MIR2052HG: variants seen among roughly 807,000 people sequenced by gnomAD.
The protein encoded by MIR2052HG is MIR2052 host gene.
At chr8:74,673,105 T>G (rs1221103589) in intron 2 of MIR2052HG, among the ~76,000 whole-genome samples, 1 of 152,044 alleles carries the variant, frequency 6.6e-6, no homozygotes, top group African/African-American at 2.4e-5. Flanking sequence ...AACATAGCTT[T>G]TATTGACAGG....
chr8:74,660,707 C>T (rs1372795886), intron 2 of MIR2052HG, among the ~76,000 whole-genome samples: 2 of 152,170 alleles, frequency 1.3e-5, no homozygotes, highest in African/African-American at 2.4e-5. Flanking sequence ...AAAACAACAA[C>T]ATCATCAATT....
In MIR2052HG at chr8:74,747,559, C is replaced by T. The variant is rs1022934836; in HGVS notation, n.372-4882C>T. Among the ~76,000 whole-genome samples the T allele has an allele frequency of 5.9e-5, 9 of 152,110 alleles. No individual in the cohort carries two copies. In the East Asian group the frequency reaches 7.7e-4, roughly 13 times the overall value. On this transcript the variant is annotated intron_variant and non_coding_transcript_variant, in intron 4 of 6. Coordinates refer to ENST00000523442, the Ensembl canonical transcript of MIR2052HG. Reference sequence around the variant, plus strand: ...AAAAGCTGCAAGCACATTTGTGAATCGTGTTATTCTCTGAGTAACATATTT... The same window carrying T: ...AAAAGCTGCAAGCACATTTGTGAATTGTGTTATTCTCTGAGTAACATATTT...
rs186791229 is a variant in MIR2052HG at position 74,709,860 on chromosome 8, G to A, written n.371+6178G>A. Among the ~76,000 whole-genome samples, 271 of 152,198 alleles carry A rather than the reference G, an allele frequency of 1.8e-3. 8 individuals carry two copies. Among genetic ancestry groups the A allele is most frequent in the Admixed American group, 0.017 (257 of 15,266 alleles). On this transcript the variant is annotated intron_variant and non_coding_transcript_variant, in intron 4 of 6. Transcript: ENST00000523442. ...TTGAGTGAGTGATATTTCAGAACTT[G>A]TATTTTTGTATGGATTTTGCATATT...
intron 4 of MIR2052HG, among the ~76,000 whole-genome samples, chr8:74,734,054 A>G (rs1023836001): frequency 3.3e-5 from 5 of 152,240 alleles, no homozygotes; most frequent in Admixed American, 2.0e-4. Flanking sequence ...GACAACCTAC[A>G]AAATGGGAGA....
At chr8:74,712,743 T>C (rs1032037568) in intron 4 of MIR2052HG, among the ~76,000 whole-genome samples, 1 of 151,156 alleles carries the variant, frequency 6.6e-6, no homozygotes, top group African/African-American at 2.4e-5. Context: ...ATCATTCAAA[T>C]GTACTTAAGA....
In MIR2052HG at chr8:74,685,768, G is replaced by A. The variant is rs115855013; in HGVS notation, n.217-16611G>A. 9.4e-3 allele frequency among the ~76,000 whole-genome samples: 1,423 copies of A among 152,136 alleles called. 27 individuals carry two copies. The highest frequency in any genetic ancestry group is 0.032 in the African/African-American group (1,349 of 41,534). The stretch of plus-strand genomic sequence containing the variant: ...TTTATGTGAATGACCAAGACTGAGT[G>A]TACAGGATGTAATCAAAGTCAAACA... On this transcript the variant is annotated intron_variant and non_coding_transcript_variant, in intron 2 of 6. Coordinates refer to ENST00000523442, the Ensembl canonical transcript of MIR2052HG.
At chr8:74,604,219 C>A in intron 1 of MIR2052HG, 1 of 901,096 alleles carries the variant, frequency 1.1e-6, no homozygotes, top group South Asian at 1.3e-5. Flanking sequence ...GATATTTAAT[C>A]CACCTTCAAT....
intron 1 of MIR2052HG, chr8:74,603,446 G>T (rs561569622): frequency 2.5e-6 from 4 of 1,606,782 alleles, no homozygotes; most frequent in Non-Finnish European, 3.4e-6. Context: ...GACATCTGAC[G>T]GATCTCATTT....
chr8:74,744,952 A>G (rs1345102918), intron 4 of MIR2052HG, among the ~76,000 whole-genome samples: 4 of 152,174 alleles, frequency 2.6e-5, no homozygotes, highest in Non-Finnish European at 5.9e-5. Flanking sequence ...TTCTTCAGGA[A>G]AAGTTCAATA....
At chr8:74,629,251 A>G (rs1366162560) in intron 2 of MIR2052HG, among the ~76,000 whole-genome samples, 1 of 152,154 alleles carries the variant, frequency 6.6e-6, no homozygotes, top group Non-Finnish European at 1.5e-5. Context: ...TTAAATGAGC[A>G]CTTTCATAGC....
At chr8:74,618,697 G>A (rs905962709) in intron 2 of MIR2052HG, among the ~76,000 whole-genome samples, 1 of 152,150 alleles carries the variant, frequency 6.6e-6, no homozygotes. Flanking sequence ...CAACTCAATG[G>A]TGAAAAGTTT....
intron 4 of MIR2052HG, among the ~76,000 whole-genome samples, chr8:74,721,801 A>G (rs901757547): frequency 6.6e-6 from 1 of 152,194 alleles, no homozygotes; most frequent in Non-Finnish European, 1.5e-5. Context: ...TCACTTCTTA[A>G]TGGGAATAGT....
At chr8:74,603,913 G>C in intron 1 of MIR2052HG, 5 of 1,107,048 alleles carry the variant, frequency 4.5e-6, no homozygotes, top group Non-Finnish European at 1.4e-6. Context: ...TCCAATGAGA[G>C]AGCCACACTG....
At chr8:74,635,821 G>T (rs1237211599) in intron 2 of MIR2052HG, among the ~76,000 whole-genome samples, 6 of 152,142 alleles carry the variant, frequency 3.9e-5, no homozygotes, top group Non-Finnish European at 8.8e-5. Context: ...TGATTCTTTA[G>T]AGAATTTTTA....
chr8:74,735,138 C>T (rs1013981965), intron 4 of MIR2052HG, among the ~76,000 whole-genome samples: 2 of 152,184 alleles, frequency 1.3e-5, no homozygotes, highest in African/African-American at 4.8e-5. Flanking sequence ...AGAACAAACA[C>T]AGGTTGTTGT....
chr8:74,746,567 AGTGTGTGTGTGTGTGT>A (rs72103010), intron 4 of MIR2052HG, among the ~76,000 whole-genome samples: 2 of 147,640 alleles, frequency 1.4e-5, no homozygotes, highest in African/African-American at 5.0e-5. Flanking sequence ...GAGGAGAAGA[AGTGTGTGTGTGTGTGT>A]GTGTGTGTGT....
At chr8:74,691,637 C>T (rs1197904909) in intron 2 of MIR2052HG, among the ~76,000 whole-genome samples, 1 of 152,092 alleles carries the variant, frequency 6.6e-6, no homozygotes, top group Non-Finnish European at 1.5e-5. Context: ...GTGCACTTTC[C>T]TTTTAATTTT....
intron 2 of MIR2052HG, among the ~76,000 whole-genome samples, chr8:74,679,976 G>A (rs925700620): frequency 2.6e-5 from 4 of 152,100 alleles, no homozygotes; most frequent in African/African-American, 9.7e-5. Context: ...AGAGGTAAAC[G>A]TAAAATATAT....
At chr8:74,634,269 A>G (rs1808554539) in intron 2 of MIR2052HG, among the ~76,000 whole-genome samples, 1 of 152,190 alleles carries the variant, frequency 6.6e-6, no homozygotes, top group Non-Finnish European at 1.5e-5. Context: ...GCCAGTTCCC[A>G]GAATTAGAAA....
Sources: allele counts gnomAD v4.1 joint callset (sites outside exome capture counted in the v4.1 genomes callset), GRCh38; gene constraint gnomAD v4.1.1; transcripts MANE v1.5; gene names NCBI Gene and HGNC (gene_info 2026-07-23, HGNC 2026-07-21).